The following AHI1 variants were observed in gnomAD, a reference collection of about 807,000 sequenced individuals.
The protein encoded by AHI1 is Abelson helper integration site 1, also known as jouberin.
AHI1 carries 123 observed loss-of-function variants against 149.3 expected under a neutral mutation model. That is an observed-to-expected ratio of 0.82 (90% CI 0.71 to 0.96). The LOEUF (loss-of-function observed/expected upper bound fraction) is 0.96. Among genes scored for constraint, AHI1 ranks in the 40% least tolerant of loss-of-function variants. The probability of loss-of-function intolerance (pLI) is 0.00; values close to 1 mark genes in which losing one functional copy is unlikely to be tolerated. For missense variants in AHI1, 1,439 were observed against 1,422.7 expected, an observed-to-expected ratio of 1.01 and a Z score of -0.18; for synonymous variants, 475 against 459.8, an observed-to-expected ratio of 1.03 and a Z score of -0.42.
chr6:135,438,381 G>A lies in AHI1; in HGVS notation c.2030C>T (p.Thr677Ile), dbSNP rs758363344. Reference protein sequence around the residue: ...HYILTSSSDGTARIWKNEINN... With the variant: ...HYILTSSSDGIARIWKNEINN... ...ACTTCTCAAGGATACTAACCTGGCA[G>A]TGCCATCAGATGATGAAGTAAGGAT... The change falls in exon 15 of 29, where the codon ACT (threonine) becomes ATT (isoleucine). Residue 677 changes from threonine to isoleucine, a missense_variant. Thr to Ile is a moderately conservative substitution (Grantham distance 89). Transcript: ENST00000265602. The A allele has an allele frequency of 6.3e-7, 1 of 1,579,966 alleles. No individual in the cohort carries two copies. Among genetic ancestry groups the A allele is most frequent in the Non-Finnish European group, 8.6e-7 (1 of 1,161,020 alleles).
chr6:135,421,207 G>A (rs987888537), intron 20 of AHI1, among the ~76,000 whole-genome samples: 3 of 152,050 alleles, frequency 2.0e-5, no homozygotes, highest in African/African-American at 4.8e-5. Flanking sequence ...CACCATAACA[G>A]ACATAATAAT....
chr6:135,472,794 T>G (rs951198276), intron 5 of AHI1, among the ~76,000 whole-genome samples: 5 of 115,632 alleles, frequency 4.3e-5, no homozygotes, highest in Middle Eastern at 5.1e-3. Flanking sequence ...TAGCTGTCCT[T>G]TCGTTAAGTG....
chr6:135,304,758 G>A (rs1056311998), intron 26 of AHI1, among the ~76,000 whole-genome samples: 4 of 152,172 alleles, frequency 2.6e-5, no homozygotes, highest in African/African-American at 7.2e-5. Context: ...GAGACAGAGC[G>A]AGATTCCATC....
chr6:135,342,747 C>T (rs1350298827), intron 24 of AHI1, among the ~76,000 whole-genome samples: 1 of 151,648 alleles, frequency 6.6e-6, no homozygotes, highest in Non-Finnish European at 1.5e-5. Context: ...ATGTCCTCAA[C>T]CTGATAATAT....
intron 16 of AHI1, 21 bp from the exon 17 acceptor site, chr6:135,431,335 A>C: frequency 6.9e-7 from 1 of 1,445,704 alleles, no homozygotes; most frequent in Non-Finnish European, 9.6e-7. Flanking sequence ...AAATAAGATC[A>C]CTCACTTATG....
intron 24 of AHI1, among the ~76,000 whole-genome samples, chr6:135,339,615 T>C (rs976041849): frequency 6.6e-6 from 1 of 152,090 alleles, no homozygotes; most frequent in Non-Finnish European, 1.5e-5. Context: ...GATAAGTAAA[T>C]TGAGATGATT....
chr6:135,419,410 A>G (rs1782832989), intron 20 of AHI1, among the ~76,000 whole-genome samples: 1 of 152,078 alleles, frequency 6.6e-6, no homozygotes, highest in South Asian at 2.1e-4. Flanking sequence ...ACTGCAGCCT[A>G]GTTCATGAAC....
intron 5 of AHI1, among the ~76,000 whole-genome samples, chr6:135,479,581 A>AT (rs1793269234): frequency 6.6e-6 from 1 of 152,004 alleles, no homozygotes; most frequent in African/African-American, 2.4e-5. Context: ...GAAGTAACTA[A>AT]CTTTTTTTTT....
Position 135,465,949 on chromosome 6 carries a change from T to G in AHI1, c.614A>C (p.Lys205Thr). Residue 205 changes from lysine (K) to threonine (T), a missense_variant, in exon 7 of 29, where the codon AAG (lysine) becomes ACG (threonine). By Grantham distance (78) the Lys-to-Thr change is moderately conservative. Transcript: ENST00000265602. ...TTTCAGTTTCTTTCTTATTTTCCTC[T>G]TAATCTCCTTTGCCATTTCTTCAGT... is the stretch of plus-strand genomic sequence containing the variant. ...HVTEEMAKEI[K>T]RKIRKKLKEQ... 6.2e-7 allele frequency: 1 copy of G among 1,611,270 alleles called. No homozygotes were observed. Among genetic ancestry groups the G allele is most frequent in the South Asian group, 1.1e-5 (1 of 89,524 alleles).
intron 24 of AHI1, among the ~76,000 whole-genome samples, chr6:135,329,412 A>C (rs937257537): frequency 1.3e-5 from 2 of 152,188 alleles, no homozygotes; most frequent in Non-Finnish European, 2.9e-5. Context: ...ATTATGTTAA[A>C]TCTACTCTGT....
chr6:135,432,533 T>C (rs1486115967), intron 16 of AHI1, among the ~76,000 whole-genome samples: 2 of 152,058 alleles, frequency 1.3e-5, no homozygotes, highest in South Asian at 2.1e-4. Context: ...TTTGTATTTT[T>C]AGTAGAGATG....
At chr6:135,292,973 C>T (rs1782554261) in intron 27 of AHI1, among the ~76,000 whole-genome samples, 1 of 152,056 alleles carries the variant, frequency 6.6e-6, no homozygotes, top group Non-Finnish European at 1.5e-5. Flanking sequence ...TTCTCATGAA[C>T]AAAATGCAAG....
At chr6:135,295,787 C>A (rs187023164) in intron 27 of AHI1, among the ~76,000 whole-genome samples, 1 of 152,262 alleles carries the variant, frequency 6.6e-6, no homozygotes, top group East Asian at 1.9e-4. Flanking sequence ...ATGCTCATTA[C>A]CTTAATTGTG....
intron 26 of AHI1, among the ~76,000 whole-genome samples, chr6:135,308,042 C>T (rs1057357245): frequency 4.6e-5 from 7 of 152,052 alleles, no homozygotes; most frequent in Admixed American, 2.0e-4. Flanking sequence ...GTTAGGGTGA[C>T]GGAGAACTTC....
chr6:135,300,582 G>A (rs924229452), intron 26 of AHI1, 24 bp from the exon 27 acceptor site: 4 of 1,589,318 alleles, frequency 2.5e-6, no homozygotes, highest in Non-Finnish European at 2.6e-6. Flanking sequence ...GGAAAAACAA[G>A]TAGTAAGTAA....
At chr6:135,366,892 T>G (rs1278571346) in intron 23 of AHI1, among the ~76,000 whole-genome samples, 1 of 152,210 alleles carries the variant, frequency 6.6e-6, no homozygotes. Flanking sequence ...CTGTGCTCTT[T>G]CAGATGATTG....
At chr6:135,480,912 G>A (rs1006214995) in intron 5 of AHI1, among the ~76,000 whole-genome samples, 2 of 152,184 alleles carry the variant, frequency 1.3e-5, no homozygotes, top group East Asian at 1.9e-4. Context: ...TAGGTTGCAC[G>A]TTCCTTATGA....
At chr6:135,323,107 C>A in intron 25 of AHI1, 55 bp downstream of exon 25, 2 of 1,486,642 alleles carry the variant, frequency 1.3e-6, no homozygotes, top group Non-Finnish European at 1.8e-6. Flanking sequence ...ATGATAAAAT[C>A]TTGGACTATC....
At chr6:135,401,001 A>G (rs566059737) in intron 22 of AHI1, among the ~76,000 whole-genome samples, 3 of 152,246 alleles carry the variant, frequency 2.0e-5, no homozygotes, top group African/African-American at 7.2e-5. Context: ...AGCAAAATAA[A>G]CTTCTAAATT....
Sources: allele counts gnomAD v4.1 joint callset (sites outside exome capture counted in the v4.1 genomes callset), GRCh38; gene constraint gnomAD v4.1.1; transcripts MANE v1.5; gene names NCBI Gene and HGNC (gene_info 2026-07-23, HGNC 2026-07-21).